Variants in TRMT11 observed in about 807,000 individuals in gnomAD.
TRMT11 encodes tRNA methyltransferase 11.
In TRMT11, 53 loss-of-function variants were observed where a neutral mutation model predicts 62.8. The observed-to-expected ratio is 0.84, with a 90% CI of 0.68 to 1.06. The LOEUF (loss-of-function observed/expected upper bound fraction) is 1.06. TRMT11 is among the 50% of genes least tolerant of loss of function. The pLI, the probability that TRMT11 is intolerant of heterozygous loss-of-function variation, is 0.00. For missense variants in TRMT11, 556 were observed against 553.4 expected (o/e 1.00, Z -0.05); for synonymous variants, 188 against 190.3 (o/e 0.99, Z 0.10).
At chr6:126,171,578 G>C (rs1221599488) in intron 21 of TRMT11, among the ~76,000 whole-genome samples, 1 of 151,868 alleles carries the variant, frequency 6.6e-6, no homozygotes, top group East Asian at 1.9e-4. Context: ...TGCTCTTATA[G>C]TATTCTTAGT....
the TRMT11 span, among the ~76,000 whole-genome samples, chr6:126,247,222 A>G: frequency 1.6e-4 from 24 of 152,308 alleles, no homozygotes; most frequent in African/African-American, 4.6e-4. Flanking sequence ...ATAGGACTGC[A>G]TGCTGGCAGA....
Position 126,038,839 on chromosome 6 carries a change from A to AT in TRMT11, c.*5dup. The stretch of plus-strand genomic sequence containing the variant: ...AAGAAAAATCCACCCAGGAATGAAA[A>AT]TTAAGATTTTGACAATGAAGAAAGA... On this transcript the variant is annotated 3_prime_UTR_variant, in exon 13 of 13. Transcript: ENST00000334379. The AT allele has an allele frequency of 6.3e-7, 1 of 1,590,420 alleles. No homozygotes were observed. Among genetic ancestry groups the AT allele is most frequent in the Non-Finnish European group, 8.5e-7 (1 of 1,172,170 alleles).
At chr6:126,125,292 T>TG (rs1777703573) in intron 21 of TRMT11, among the ~76,000 whole-genome samples, 1 of 152,058 alleles carries the variant, frequency 6.6e-6, no homozygotes, top group Non-Finnish European at 1.5e-5. Flanking sequence ...TAGGAGGAAG[T>TG]GGGGGTAAAC....
Position 125,996,053 on chromosome 6 carries a change from T to C in TRMT11, c.212+13T>C, listed in dbSNP as rs750351074. The C allele has an allele frequency of 1.1e-5, 17 of 1,559,366 alleles. No homozygotes were observed. The South Asian group carries it at 1.9e-4, about 17-fold the overall frequency. On this transcript the variant is annotated intron_variant, in intron 3 of 12. Coordinates refer to ENST00000334379, the MANE Select transcript of TRMT11 (RefSeq NM_001031712.3). ...CAGTGTGTGCCAAGTAAGAGAAACT[T>C]ATGTTCTCCTGCATGAATATACTGG...
chr6:126,148,627 G>A (rs1778002222), intron 21 of TRMT11, among the ~76,000 whole-genome samples: 1 of 151,850 alleles, frequency 6.6e-6, no homozygotes, highest in African/African-American at 2.4e-5. Context: ...ACTAATAATA[G>A]TATTACTGCA....
rs112725729 is a variant in TRMT11 at position 126,138,440 on chromosome 6, G to A, written c.*1823+22585G>A. Among the ~76,000 whole-genome samples, 1,273 of 152,054 alleles carry A rather than the reference G, an allele frequency of 8.4e-3. 16 individuals carry two copies. Among genetic ancestry groups the A allele is most frequent in the African/African-American group, 0.029 (1,215 of 41,548 alleles). ...GATAGGGCAGTTCTATGTATGTGCT[G>A]TCTTCCCTTTGAGAATGAATATGAA... On this transcript the variant is annotated intron_variant and NMD_transcript_variant, in intron 21 of 22. Transcript: ENST00000648977.
At chr6:126,246,533 T>A in the TRMT11 span, among the ~76,000 whole-genome samples, 4 of 152,214 alleles carry the variant, frequency 2.6e-5, no homozygotes, top group African/African-American at 9.6e-5. Context: ...TCCACCTGCA[T>A]AAAGTGATAG....
chr6:126,130,454 G>A (rs193269842), intron 21 of TRMT11, among the ~76,000 whole-genome samples: 468 of 152,188 alleles, frequency 3.1e-3, no homozygotes, highest in African/African-American at 0.011. Context: ...TAACGTGCCA[G>A]CAGGCTGCCC....
intron 21 of TRMT11, among the ~76,000 whole-genome samples, chr6:126,162,134 C>G (rs1307579486): frequency 1.3e-5 from 2 of 152,078 alleles, no homozygotes; most frequent in African/African-American, 2.4e-5. Context: ...AAGTCTTTGC[C>G]CATGCCTATG....
downstream of TRMT11, among the ~76,000 whole-genome samples, chr6:126,204,536 G>A (rs1778771577): frequency 6.6e-6 from 1 of 152,156 alleles, no homozygotes; most frequent in Admixed American, 6.5e-5. Context: ...TGCTTCAGAG[G>A]GCAGCAGCAA....
chr6:126,130,649 T>G (rs951574768), intron 21 of TRMT11, among the ~76,000 whole-genome samples: 5 of 152,104 alleles, frequency 3.3e-5, no homozygotes, highest in African/African-American at 1.2e-4. Flanking sequence ...ACTTTGAATT[T>G]TTGACAGAGT....
chr6:126,187,348 T>C (rs1481329449), intron 1 of TRMT11, among the ~76,000 whole-genome samples: 1 of 151,792 alleles, frequency 6.6e-6, no homozygotes, highest in Non-Finnish European at 1.5e-5. Flanking sequence ...ACTTGAAAAA[T>C]AATACCATTT....
At chr6:126,124,374 A>G (rs911249477) in intron 21 of TRMT11, among the ~76,000 whole-genome samples, 2 of 152,092 alleles carry the variant, frequency 1.3e-5, no homozygotes, top group African/African-American at 4.8e-5. Context: ...CAGCATTCAG[A>G]CTTTCACTTA....
At chr6:126,173,352 A>G (rs1778351363), upstream of TRMT11, among the ~76,000 whole-genome samples, 1 of 152,182 alleles carries the variant, frequency 6.6e-6, no homozygotes, top group Non-Finnish European at 1.5e-5. Context: ...CTGTCAGGTC[A>G]TAGATATAAA....
At position 126,009,872 on chromosome 6, in the gene TRMT11, T is replaced by C. The variant is rs1314673492; in HGVS notation, c.761-1381T>C. On this transcript the variant is annotated intron_variant, in intron 8 of 12. Transcript: ENST00000334379. ...TATTAAAGTTATGTTTGGAAACTTA[T>C]GTTGTAACCTTCAGTCTACTGGGGT... 5.9e-5 allele frequency among the ~76,000 whole-genome samples: 9 copies of C among 152,184 alleles called. No individual in the cohort carries two copies. In the South Asian group the frequency reaches 1.0e-3, roughly 18 times the overall value.
intron 12 of TRMT11, among the ~76,000 whole-genome samples, chr6:126,026,527 C>T (rs551966426): frequency 4.6e-5 from 7 of 152,028 alleles, no homozygotes; most frequent in South Asian, 2.1e-4. Context: ...GCTGGGACTA[C>T]AGGCGTGTGC....
At chr6:126,142,820 A>G (rs1777932878) in intron 21 of TRMT11, among the ~76,000 whole-genome samples, 1 of 152,106 alleles carries the variant, frequency 6.6e-6, no homozygotes, top group African/African-American at 2.4e-5. Context: ...TTCTCAGAAA[A>G]TATCTGACCT....
chr6:126,129,221 A>C (rs548539932), intron 21 of TRMT11, among the ~76,000 whole-genome samples: 1 of 152,010 alleles, frequency 6.6e-6, no homozygotes, highest in Non-Finnish European at 1.5e-5. Context: ...ACCTCTCACA[A>C]TGTGCGCAAC....
At chr6:126,006,512 A>G (rs751051965) in intron 7 of TRMT11, among the ~76,000 whole-genome samples, 2 of 152,106 alleles carry the variant, frequency 1.3e-5, no homozygotes, top group Non-Finnish European at 2.9e-5. Flanking sequence ...TTGCTAGCAT[A>G]GATCACATAT....
Sources: allele counts gnomAD v4.1 joint callset (sites outside exome capture counted in the v4.1 genomes callset), GRCh38; gene constraint gnomAD v4.1.1; transcripts MANE v1.5; gene names NCBI Gene and HGNC (gene_info 2026-07-23, HGNC 2026-07-21).